Variants in CACNB2 observed in about 807,000 individuals in gnomAD.
CACNB2 encodes the protein voltage-dependent L-type calcium channel subunit beta-2.
In CACNB2, 42 loss-of-function variants were observed where a neutral mutation model predicts 73.3. The ratio of observed to expected loss-of-function variants is 0.57; its 90% confidence interval spans 0.45 to 0.74. The LOEUF is 0.74. Among genes scored for constraint, CACNB2 ranks in the 30% least tolerant of loss-of-function variants. The pLI is 0.00. For missense variants in CACNB2, 940 were observed against 853.0 expected (o/e 1.10, Z -1.27); for synonymous variants, 348 against 310.3 (o/e 1.12, Z -1.28).
chr10:18,181,397 G>C (rs1249935841), intron 2 of CACNB2, among the ~76,000 whole-genome samples: 4 of 152,042 alleles, frequency 2.6e-5, no homozygotes, highest in South Asian at 2.1e-4. Flanking sequence ...GAAGATGCAA[G>C]ACTGTAGCCC....
chr10:18,389,789 T>C (rs1214409591), intron 2 of CACNB2, among the ~76,000 whole-genome samples: 1 of 152,190 alleles, frequency 6.6e-6, no homozygotes, highest in Non-Finnish European at 1.5e-5. Flanking sequence ...CCCCCTGACA[T>C]TGTGAATTGG....
chr10:18,329,618 G>A lies in CACNB2; in HGVS notation c.214-72306G>A, dbSNP rs528275963. Among the ~76,000 whole-genome samples, 21 of 151,904 alleles carry A rather than the reference G, an allele frequency of 1.4e-4. No homozygotes were observed. The East Asian group carries it at 2.3e-3, about 17-fold the overall frequency. ...TTTTTGCGATTTGCACTAAGTGTGC[G>A]TTTAGAAAGTTGGATTAATCTCACT... is the stretch of plus-strand genomic sequence containing the variant. On this transcript the variant is annotated intron_variant, in intron 2 of 13. Coordinates refer to ENST00000324631, the MANE Select transcript of CACNB2 (RefSeq NM_201596.3).
At chr10:18,299,772 T>G (rs2039434312) in intron 2 of CACNB2, among the ~76,000 whole-genome samples, 1 of 152,174 alleles carries the variant, frequency 6.6e-6, no homozygotes, top group South Asian at 2.1e-4. Context: ...ATAACTCATG[T>G]TGCTGATGGT....
At chr10:18,531,252 G>GT (rs1057236110) in intron 10 of CACNB2, among the ~76,000 whole-genome samples, 38 of 151,900 alleles carry the variant, frequency 2.5e-4, no homozygotes, top group African/African-American at 9.2e-4. Context: ...GTTAACTTCT[G>GT]TTTTTTGTTT....
intron 2 of CACNB2, among the ~76,000 whole-genome samples, chr10:18,250,020 A>C (rs2131548812): frequency 6.6e-6 from 1 of 152,264 alleles, no homozygotes; most frequent in South Asian, 2.1e-4. Context: ...CTTTCTCTCC[A>C]ATAAGACATC....
chr10:18,216,339 G>C (rs1023681169), intron 2 of CACNB2, among the ~76,000 whole-genome samples: 2 of 151,988 alleles, frequency 1.3e-5, no homozygotes, highest in African/African-American at 4.8e-5. Flanking sequence ...ACTAAGTCTT[G>C]AATGCTTCTC....
At chr10:18,510,128 T>C (rs1028270109) in intron 6 of CACNB2, among the ~76,000 whole-genome samples, 5 of 152,160 alleles carry the variant, frequency 3.3e-5, no homozygotes, top group African/African-American at 9.7e-5. Context: ...TGAACTCAGA[T>C]GTTTTTAGAC....
chr10:18,170,798 C>T (rs1450696550), intron 2 of CACNB2, among the ~76,000 whole-genome samples: 1 of 152,186 alleles, frequency 6.6e-6, no homozygotes, highest in East Asian at 1.9e-4. Flanking sequence ...CTCTTTTAAG[C>T]TTGATTATAG....
chr10:18,195,396 T>C (rs2034579452), intron 2 of CACNB2, among the ~76,000 whole-genome samples: 1 of 152,002 alleles, frequency 6.6e-6, no homozygotes, highest in Non-Finnish European at 1.5e-5. Flanking sequence ...ATCAGAGAGG[T>C]TCTGGGATAA....
intron 6 of CACNB2, among the ~76,000 whole-genome samples, chr10:18,508,987 A>G (rs1280417951): frequency 6.6e-6 from 1 of 152,224 alleles, no homozygotes; most frequent in Non-Finnish European, 1.5e-5. Context: ...GAAGAGTGTA[A>G]TATTTAAAAA....
intron 2 of CACNB2, among the ~76,000 whole-genome samples, chr10:18,363,647 T>C (rs573615615): frequency 6.6e-6 from 1 of 152,288 alleles, no homozygotes; most frequent in Admixed American, 6.5e-5. Flanking sequence ...TTAAAATATG[T>C]ATATGACTAG....
chr10:18,382,851 C>T (rs1320067370), intron 2 of CACNB2, among the ~76,000 whole-genome samples: 3 of 152,230 alleles, frequency 2.0e-5, no homozygotes, highest in South Asian at 4.1e-4. Flanking sequence ...AATGTACATA[C>T]GAGTGTGTGT....
At chr10:18,156,137 TA>T (rs1354190127) in intron 2 of CACNB2, among the ~76,000 whole-genome samples, 1 of 152,196 alleles carries the variant, frequency 6.6e-6, no homozygotes, top group Non-Finnish European at 1.5e-5. Context: ...AAAAAGCATT[TA>T]CCAGTGGTTT....
At chr10:18,336,703 T>C (rs2041022942) in intron 2 of CACNB2, among the ~76,000 whole-genome samples, 1 of 152,202 alleles carries the variant, frequency 6.6e-6, no homozygotes, top group Non-Finnish European at 1.5e-5. Flanking sequence ...TAGACCAATT[T>C]ATTTATATTG....
chr10:18,514,235 G>A lies in CACNB2; in HGVS notation c.671-1G>A. 1.2e-6 allele frequency: 2 copies of A among 1,613,748 alleles called. No homozygotes were observed. Among genetic ancestry groups the A allele is most frequent in the Non-Finnish European group, 1.7e-6 (2 of 1,179,832 alleles). On this transcript the variant is annotated splice_acceptor_variant, in intron 6 of 13. Coordinates refer to ENST00000324631, the MANE Select transcript of CACNB2 (RefSeq NM_201596.3). LOFTEE classifies it high-confidence loss of function. Reference sequence around the variant, plus strand: ...CTGATTTTTGAATTGTCTGTATATAGCTATAGACATAGATGCTACTGGCTT... The same window carrying A: ...CTGATTTTTGAATTGTCTGTATATAACTATAGACATAGATGCTACTGGCTT...
At chr10:18,248,684 T>A (rs768553824) in intron 2 of CACNB2, among the ~76,000 whole-genome samples, 3 of 152,190 alleles carry the variant, frequency 2.0e-5, no homozygotes, top group Admixed American at 6.5e-5. Flanking sequence ...CTCTGAGAAG[T>A]CTTCCTCTTG....
chr10:18,506,884 T>C (rs114761230), intron 6 of CACNB2, among the ~76,000 whole-genome samples: 5,388 of 152,316 alleles, frequency 0.035, 233 homozygotes, highest in South Asian at 0.16. Flanking sequence ...ACTGCGCCTC[T>C]GCCTCCAGGG....
At chr10:18,211,915 C>T (rs2035333279) in intron 2 of CACNB2, among the ~76,000 whole-genome samples, 1 of 151,778 alleles carries the variant, frequency 6.6e-6, no homozygotes, top group Admixed American at 6.6e-5. Context: ...TATGCAGGTG[C>T]ATTAGTTCTG....
chr10:18,539,583 A>G lies in CACNB2; in HGVS notation c.1842A>G (p.Arg614=). 1 of 1,613,922 alleles carries G rather than the reference A, an allele frequency of 6.2e-7. No homozygotes were observed. The highest frequency in any genetic ancestry group is 1.1e-5 in the South Asian group (1 of 91,050). ...GGCACCGTTCCCGGGACGTGGATCG[A>G]GAGCAGGACCACAACGAGTGCAACA... is the stretch of plus-strand genomic sequence containing the variant. The part of the protein sequence containing the change: ...ESRHRSRDVD[R]EQDHNECNKQ... The change falls in exon 14 of 14, where the codon CGA becomes CGG. Residue 614 remains arginine, a synonymous_variant. Coordinates refer to ENST00000324631, the MANE Select transcript of CACNB2 (RefSeq NM_201596.3).
Sources: allele counts gnomAD v4.1 joint callset (sites outside exome capture counted in the v4.1 genomes callset), GRCh38; gene constraint gnomAD v4.1.1; transcripts MANE v1.5; gene names NCBI Gene and HGNC (gene_info 2026-07-23, HGNC 2026-07-21).